UGT1A6: variants seen among roughly 807,000 people sequenced by gnomAD.
UGT1A6 encodes UDP glucuronosyltransferase family 1 member A6, also known as UDP-glucuronosyltransferase 1A6.
A neutral mutation model predicts 44.4 loss-of-function variants in UGT1A6; 32 were observed. The observed-to-expected ratio is 0.72, with a 90% CI of 0.54 to 0.97. The LOEUF (loss-of-function observed/expected upper bound fraction) is 0.97, where lower values mean the gene tolerates loss of function less well. Among genes scored for constraint, UGT1A6 ranks in the 50% least tolerant of loss-of-function variants. UGT1A6 has a pLI of 0.00. For missense variants in UGT1A6, 685 were observed against 661.9 expected, an observed-to-expected ratio of 1.03 and a Z score of -0.38; for synonymous variants, 238 against 248.5, an observed-to-expected ratio of 0.96 and a Z score of 0.40.
At chr2:233,729,375 G>T (rs148006660) in intron 1 of UGT1A6, 2 of 1,613,886 alleles carry the variant, frequency 1.2e-6, no homozygotes, top group Non-Finnish European at 1.7e-6. Flanking sequence ...ATGCCATTTC[G>T]TGGACCCAGG....
At chr2:233,768,483 T>G in intron 4 of UGT1A6, 44 bp downstream of exon 4, 1 of 1,586,708 alleles carries the variant, frequency 6.3e-7, no homozygotes. Flanking sequence ...ATGGCATTCA[T>G]GATAAAATTG....
rs778641747 is a variant in UGT1A6 at position 233,768,443 on chromosome 2, A to G, written c.1301+4A>G. 8.1e-6 allele frequency: 13 copies of G among 1,613,284 alleles called. No homozygotes were observed. In the South Asian group the frequency reaches 1.4e-4, roughly 18 times the overall value. On this transcript the variant is annotated splice_donor_region_variant and intron_variant, in intron 4 of 4. Transcript: ENST00000305139. Reference sequence around the variant, plus strand: ...AAGCAGTCATCAATGACAAAAGGTAAGAAAGAAGATACAGAAGAATACTTT... The same window carrying G: ...AAGCAGTCATCAATGACAAAAGGTAGGAAAGAAGATACAGAAGAATACTTT...
chr2:233,718,923 C>G, intron 1 of UGT1A6: 1 of 1,614,082 alleles, frequency 6.2e-7, no homozygotes, highest in Admixed American at 1.7e-5. Context: ...GTTGGTGGTG[C>G]CCACTGATGG....
In UGT1A6 at chr2:233,769,617, A is replaced by AG; in HGVS notation, c.1301+1179dup. 6.2e-7 allele frequency: 1 copy of AG among 1,612,702 alleles called. No individual in the cohort carries two copies. The highest frequency in any genetic ancestry group is 2.2e-5 in the East Asian group (1 of 44,882). On this transcript the variant is annotated intron_variant, in intron 4 of 4. Coordinates refer to ENST00000305139, the MANE Select transcript of UGT1A6 (RefSeq NM_001072.4). The surrounding 1 kb of genome is among the most constrained non-coding windows in gnomAD (Gnocchi z 4.4). ...CGGAACACGGGGACACACCAGCTTG[A>AG]GCAAGGGACAACAGGGGAGGACTGA...
chr2:233,769,044 C>T lies in UGT1A6; in HGVS notation c.1301+605C>T, dbSNP rs1247244577. ...AAGTTGCCATAATAGACATCTGATC[C>T]ATAAGTTTCCTGCACAGAAAGAAAT... On this transcript the variant is annotated intron_variant, in intron 4 of 4. Coordinates refer to ENST00000305139, the MANE Select transcript of UGT1A6 (RefSeq NM_001072.4). The surrounding 1 kb of genome is among the most constrained non-coding windows in gnomAD (Gnocchi z 4.4). Among the ~76,000 whole-genome samples the T allele has an allele frequency of 6.6e-6, 1 of 152,006 alleles. No individual in the cohort carries two copies. The highest frequency in any genetic ancestry group is 1.5e-5 in the Non-Finnish European group (1 of 68,012).
chr2:233,738,744 T>G (rs1482217352), intron 1 of UGT1A6, among the ~76,000 whole-genome samples: 1 of 152,136 alleles, frequency 6.6e-6, no homozygotes, highest in Non-Finnish European at 1.5e-5. Flanking sequence ...CCTGACCATG[T>G]GGTAGAAAAG....
intron 1 of UGT1A6, among the ~76,000 whole-genome samples, chr2:233,725,333 T>C (rs2077437851): frequency 7.8e-6 from 1 of 128,680 alleles, no homozygotes; most frequent in Non-Finnish European, 1.7e-5. Context: ...GTCAACAATC[T>C]TAAGTCCAAT....
At position 233,772,912 on chromosome 2, in the gene UGT1A6, CAAA is replaced by C. The variant is rs1449737327; in HGVS notation, c.*354_*356del. 1 of 388,968 alleles carries C rather than the reference CAAA, an allele frequency of 2.6e-6. No homozygotes were observed. Among genetic ancestry groups the C allele is most frequent in the Non-Finnish European group, 4.5e-6 (1 of 221,772 alleles). The allele number at this position is 388,968 out of a possible 1,614,324, so 24.1% of individuals were successfully genotyped here. On this transcript the variant is annotated 3_prime_UTR_variant, in exon 5 of 5. Transcript: ENST00000305139. ...GGTGGTCCCACGGCTGCCCCTACTG[CAAA>C]TGGCAGTTTTAATCTTATCTTTTGG...
intron 1 of UGT1A6, chr2:233,721,567 T>G (rs750626594): frequency 3.5e-4 from 56 of 162,222 alleles, no homozygotes; most frequent in Non-Finnish European, 4.6e-4. Context: ...TTCTGGGATA[T>G]CTTTTTCTTC....
intron 1 of UGT1A6, among the ~76,000 whole-genome samples, chr2:233,701,932 G>T (rs536238836): frequency 2.6e-5 from 4 of 151,994 alleles, no homozygotes; most frequent in African/African-American, 9.7e-5. Flanking sequence ...ACAATTAAAA[G>T]AACTAGAAAA....
At chr2:233,724,531 C>G (rs557040072) in intron 1 of UGT1A6, among the ~76,000 whole-genome samples, 1 of 121,546 alleles carries the variant, frequency 8.2e-6, no homozygotes, top group African/African-American at 3.4e-5. Flanking sequence ...GGGGTCTCGC[C>G]GGGCAGAGGC....
intron 4 of UGT1A6, chr2:233,771,305 T>TC (rs1482676837): frequency 1.3e-5 from 2 of 152,218 alleles, no homozygotes. Context: ...TTCCTCCTCC[T>TC]TTTCCCTCTC....
intron 1 of UGT1A6, among the ~76,000 whole-genome samples, chr2:233,746,350 C>T (rs1287151444): frequency 6.6e-6 from 1 of 151,744 alleles, no homozygotes; most frequent in Non-Finnish European, 1.5e-5. Flanking sequence ...GTTTATGTTG[C>T]TCCTTTAGTA....
chr2:233,716,698 TA>T (rs1450076401), intron 1 of UGT1A6, among the ~76,000 whole-genome samples: 1 of 152,204 alleles, frequency 6.6e-6, no homozygotes, highest in African/African-American at 2.4e-5. Context: ...TACATTCTCT[TA>T]AAAACACTAA....
intron 1 of UGT1A6, among the ~76,000 whole-genome samples, chr2:233,764,636 A>G (rs757477318): frequency 9.9e-5 from 15 of 152,106 alleles, no homozygotes; most frequent in Non-Finnish European, 1.9e-4. Flanking sequence ...CAAAGGTCCT[A>G]GGAAATTTAA....
rs1343338419 is a variant in UGT1A6, at chr2:233,702,269, GC to G, written c.861+8405del. Among the ~76,000 whole-genome samples the G allele has an allele frequency of 3.3e-5, 5 of 152,172 alleles. No homozygotes were observed. In the South Asian group the frequency reaches 8.3e-4, roughly 25 times the overall value. Reference sequence around the variant, plus strand: ...ATTCCATTCACAAAATACATGAATAGCTTTTTCCCTTTAGCATAAAGAGTTT... The same window carrying G: ...ATTCCATTCACAAAATACATGAATAGTTTTTCCCTTTAGCATAAAGAGTTT... On this transcript the variant is annotated intron_variant, in intron 1 of 4. Transcript: ENST00000305139.
At position 233,764,952 on chromosome 2, in the gene UGT1A6, G is replaced by A. The variant is rs141731857; in HGVS notation, c.862-2082G>A. On this transcript the variant is annotated intron_variant, in intron 1 of 4. Transcript: ENST00000305139. Reference sequence around the variant, plus strand: ...GCTGGTGAGAGTGGCGGGGAGAGAGGGCTCACCTTGGGAGAAGGATGGTCA... The same window carrying A: ...GCTGGTGAGAGTGGCGGGGAGAGAGAGCTCACCTTGGGAGAAGGATGGTCA... Among the ~76,000 whole-genome samples the A allele has an allele frequency of 2.5e-3, 384 of 152,210 alleles. 3 individuals are homozygous for A. Among genetic ancestry groups the A allele is most frequent in the South Asian group, 8.5e-3 (41 of 4,812 alleles).
intron 1 of UGT1A6, among the ~76,000 whole-genome samples, chr2:233,726,714 A>C (rs1575568254): frequency 2.0e-5 from 3 of 152,340 alleles, no homozygotes; most frequent in Admixed American, 2.0e-4. Flanking sequence ...GGTTTGAGGA[A>C]GTACAATGTA....
intron 1 of UGT1A6, among the ~76,000 whole-genome samples, chr2:233,763,591 A>G (rs1698352933): frequency 6.6e-6 from 1 of 152,190 alleles, no homozygotes; most frequent in Non-Finnish European, 1.5e-5. Flanking sequence ...TCCTTTGTTA[A>G]CTAAAAATGC....
Sources: gnomAD v4.1 joint callset for allele counts (sites outside exome capture counted in the v4.1 genomes callset) on GRCh38, gnomAD v4.1.1 for gene constraint, Gnocchi (gnomAD v3.1) non-coding constraint, MANE v1.5 for transcripts, NCBI Gene and HGNC (gene_info 2026-07-23, HGNC 2026-07-21) for gene names.